COMMD10: variants seen among roughly 807,000 people sequenced by gnomAD.
The protein encoded by COMMD10 is COMM domain containing 10, also known as COMM domain-containing protein 10.
A neutral mutation model predicts 28.9 loss-of-function variants in COMMD10; 33 were observed. The ratio of observed to expected loss-of-function variants is 1.14; its 90% CI spans 0.87 to 1.53. The LOEUF is 1.53. Among genes scored for constraint, COMMD10 ranks in the 40% most tolerant of loss-of-function variants. The probability of loss-of-function intolerance (pLI) is 0.00; values close to 1 mark genes in which losing one functional copy is unlikely to be tolerated. For missense variants in COMMD10, 310 were observed against 233.4 expected, an observed-to-expected ratio of 1.33 and a Z score of -2.14; for synonymous variants, 110 against 81.7, an observed-to-expected ratio of 1.35 and a Z score of -1.87.
At chr5:116,171,447 A>G (rs1753329689) in intron 5 of COMMD10, among the ~76,000 whole-genome samples, 1 of 152,182 alleles carries the variant, frequency 6.6e-6, no homozygotes, top group Admixed American at 6.5e-5. Flanking sequence ...AGAACCAGAA[A>G]TACCATTTGA....
chr5:116,256,628 T>C (rs1750292873), intron 5 of COMMD10, among the ~76,000 whole-genome samples: 1 of 151,826 alleles, frequency 6.6e-6, no homozygotes, highest in Non-Finnish European at 1.5e-5. Context: ...ATGTTTCAGA[T>C]TTTGGATTTT....
At chr5:116,234,999 C>T (rs1016691454) in intron 5 of COMMD10, among the ~76,000 whole-genome samples, 1 of 152,186 alleles carries the variant, frequency 6.6e-6, no homozygotes, top group Non-Finnish European at 1.5e-5. Flanking sequence ...CTGTCTATCT[C>T]TTACCAGTGA....
intron 5 of COMMD10, among the ~76,000 whole-genome samples, chr5:116,266,031 G>T (rs1414295917): frequency 1.3e-5 from 2 of 151,696 alleles, no homozygotes; most frequent in African/African-American, 4.9e-5. Context: ...AGAAAGAGAT[G>T]TATTTCTTTT....
chr5:116,251,294 A>ATTTTT (rs1554055497), intron 5 of COMMD10, among the ~76,000 whole-genome samples: 18 of 131,508 alleles, frequency 1.4e-4, no homozygotes, highest in South Asian at 2.4e-4. Context: ...TTATTTATTT[A>ATTTTT]TTTATTTATT....
At chr5:116,241,841 T>C (rs1257608950) in intron 5 of COMMD10, among the ~76,000 whole-genome samples, 2 of 151,898 alleles carry the variant, frequency 1.3e-5, no homozygotes, top group Non-Finnish European at 2.9e-5. Context: ...ATGGTCTCTA[T>C]CTCCTGACCT....
intron 5 of COMMD10, among the ~76,000 whole-genome samples, chr5:116,141,465 A>G (rs937502399): frequency 4.6e-5 from 7 of 151,840 alleles, no homozygotes; most frequent in African/African-American, 1.2e-4. Context: ...TGGAATTTTG[A>G]TGGAATTGCA....
chr5:116,166,576 C>T (rs1753107217), intron 5 of COMMD10, among the ~76,000 whole-genome samples: 2 of 152,198 alleles, frequency 1.3e-5, no homozygotes, highest in South Asian at 2.1e-4. Flanking sequence ...GGTTGACAGG[C>T]ATCTCATACA....
At chr5:116,271,874 G>A (rs1750769360) in intron 5 of COMMD10, among the ~76,000 whole-genome samples, 1 of 151,690 alleles carries the variant, frequency 6.6e-6, no homozygotes, top group Non-Finnish European at 1.5e-5. Flanking sequence ...TCCCAACTCT[G>A]TGATACAAAT....
chr5:116,222,554 G>A (rs1479234591), intron 5 of COMMD10, among the ~76,000 whole-genome samples: 1 of 152,064 alleles, frequency 6.6e-6, no homozygotes, highest in Non-Finnish European at 1.5e-5. Context: ...TTTTATGAGG[G>A]AATTTAATGT....
intron 5 of COMMD10, among the ~76,000 whole-genome samples, chr5:116,140,001 A>G (rs988064862): frequency 6.6e-6 from 1 of 151,724 alleles, no homozygotes; most frequent in South Asian, 2.1e-4. Flanking sequence ...TTTATCCTAC[A>G]TAACTGCAAG....
chr5:116,155,505 A>T (rs1752678465), intron 5 of COMMD10, among the ~76,000 whole-genome samples: 3 of 152,102 alleles, frequency 2.0e-5, no homozygotes, highest in Admixed American at 2.0e-4. Flanking sequence ...TATTTGTTAG[A>T]TAAATGTATT....
At chr5:116,218,013 T>C in intron 5 of COMMD10, 1 of 1,007,898 alleles carries the variant, frequency 9.9e-7, no homozygotes, top group Non-Finnish European at 1.6e-6. Flanking sequence ...TTATCAAAAA[T>C]GCACACACTT....
At chr5:116,119,577 C>T (rs1751354799) in intron 4 of COMMD10, among the ~76,000 whole-genome samples, 1 of 152,124 alleles carries the variant, frequency 6.6e-6, no homozygotes, top group South Asian at 2.1e-4. Flanking sequence ...GTATACCAGT[C>T]ATCTCTGATA....
intron 5 of COMMD10, among the ~76,000 whole-genome samples, chr5:116,251,868 C>A (rs529852101): frequency 6.6e-6 from 1 of 152,076 alleles, no homozygotes; most frequent in African/African-American, 2.4e-5. Flanking sequence ...GGATTCGCCA[C>A]ACTGACTTCC....
intron 5 of COMMD10, among the ~76,000 whole-genome samples, chr5:116,245,688 A>G (rs1325715887): frequency 6.6e-6 from 1 of 152,146 alleles, no homozygotes; most frequent in Non-Finnish European, 1.5e-5. Flanking sequence ...GGTTCAACAT[A>G]TGCAAATCAA....
intron 5 of COMMD10, among the ~76,000 whole-genome samples, chr5:116,288,753 AT>A (rs2112716017): frequency 6.9e-6 from 1 of 144,984 alleles, no homozygotes; most frequent in African/African-American, 2.6e-5. Context: ...CCGTTACTGT[AT>A]TTTTCAGCTC....
intron 5 of COMMD10, among the ~76,000 whole-genome samples, chr5:116,289,234 G>A (rs368905652): frequency 1.3e-5 from 2 of 151,742 alleles, no homozygotes; most frequent in African/African-American, 2.4e-5. Context: ...TTCCCAGTCA[G>A]GTAGCTGATA....
intron 2 of COMMD10, among the ~76,000 whole-genome samples, chr5:116,087,847 G>C (rs1750159566): frequency 6.6e-6 from 1 of 152,120 alleles, no homozygotes; most frequent in African/African-American, 2.4e-5. Context: ...GGGTGATTAT[G>C]GCAGGTAACA....
intron 2 of COMMD10, among the ~76,000 whole-genome samples, chr5:116,088,386 C>T (rs1481546762): frequency 2.6e-5 from 4 of 152,186 alleles, no homozygotes; most frequent in Non-Finnish European, 5.9e-5. Flanking sequence ...AGCTGGTTTC[C>T]CTGCCTATAG....
Sources: gnomAD v4.1 joint callset for allele counts (sites outside exome capture counted in the v4.1 genomes callset) on GRCh38, gnomAD v4.1.1 for gene constraint, MANE v1.5 for transcripts, NCBI Gene and HGNC (gene_info 2026-07-23, HGNC 2026-07-21) for gene names.